Variants in LRRC4C observed in about 807,000 individuals in gnomAD.
LRRC4C encodes leucine rich repeat containing 4C.
LRRC4C carries 5 observed loss-of-function variants against 33.6 expected under a neutral mutation model. The ratio of observed to expected loss-of-function variants is 0.15; its 90% CI spans 0.08 to 0.31. The LOEUF (loss-of-function observed/expected upper bound fraction) is 0.31. LRRC4C is among the 10% of genes least tolerant of loss of function. LRRC4C has a pLI of 1.00. For missense variants in LRRC4C, 560 were observed against 796.7 expected (o/e 0.70, Z 3.58); for synonymous variants, 329 against 302.0 (o/e 1.09, Z -0.93).
intron 1 of LRRC4C, among the ~76,000 whole-genome samples, chr11:41,295,574 AGTTTATAC>A (rs1244829819): frequency 1.3e-5 from 2 of 151,186 alleles, no homozygotes; most frequent in African/African-American, 4.9e-5. Flanking sequence ...ACTCTTTTTG[AGTTTATAC>A]GTTCAGGGCA....
At chr11:40,191,208 T>C (rs1452447741) in intron 5 of LRRC4C, among the ~76,000 whole-genome samples, 1 of 152,170 alleles carries the variant, frequency 6.6e-6, no homozygotes, top group Non-Finnish European at 1.5e-5. Flanking sequence ...GGCCAGCTGC[T>C]TGACCACCTC....
At chr11:40,844,786 A>G (rs1160603994) in intron 2 of LRRC4C, among the ~76,000 whole-genome samples, 2 of 152,202 alleles carry the variant, frequency 1.3e-5, no homozygotes, top group African/African-American at 4.8e-5. Context: ...TTTTACAACA[A>G]TGAAAGAAAC....
intron 3 of LRRC4C, among the ~76,000 whole-genome samples, chr11:40,419,372 A>G (rs182659284): frequency 1.6e-4 from 25 of 152,314 alleles, no homozygotes; most frequent in Non-Finnish European, 5.9e-5. Context: ...AAATTGTTGA[A>G]ATCTAAATAT....
intron 2 of LRRC4C, among the ~76,000 whole-genome samples, chr11:40,826,559 C>G (rs1952177807): frequency 6.6e-6 from 1 of 151,816 alleles, no homozygotes; most frequent in Admixed American, 6.6e-5. Flanking sequence ...TTGAAACCAC[C>G]TAAAAGTCAT....
chr11:40,510,642 T>G (rs1955267187), intron 3 of LRRC4C, among the ~76,000 whole-genome samples: 1 of 152,188 alleles, frequency 6.6e-6, no homozygotes, highest in African/African-American at 2.4e-5. Context: ...CAAAATCATT[T>G]TATATGTGAT....
intron 1 of LRRC4C, among the ~76,000 whole-genome samples, chr11:41,425,595 C>A (rs1420286233): frequency 6.6e-6 from 1 of 152,108 alleles, no homozygotes; most frequent in Admixed American, 6.5e-5. Flanking sequence ...ACAGCTCTTA[C>A]TGAACAGTGT....
intron 1 of LRRC4C, among the ~76,000 whole-genome samples, chr11:41,240,502 T>C (rs1948205945): frequency 6.6e-6 from 1 of 152,182 alleles, no homozygotes; most frequent in Admixed American, 6.5e-5. Flanking sequence ...CTTAATTATA[T>C]AATGGGATAC....
At chr11:40,895,958 G>A (rs1955920180) in intron 2 of LRRC4C, among the ~76,000 whole-genome samples, 1 of 152,064 alleles carries the variant, frequency 6.6e-6, no homozygotes, top group Non-Finnish European at 1.5e-5. Context: ...TGACTAAAAT[G>A]AAGAAAGGCA....
At chr11:40,619,538 A>T (rs1962224744) in intron 3 of LRRC4C, among the ~76,000 whole-genome samples, 1 of 151,754 alleles carries the variant, frequency 6.6e-6, no homozygotes, top group Admixed American at 6.6e-5. Flanking sequence ...CCATCCCTAG[A>T]ACACTAGGAA....
intron 1 of LRRC4C, among the ~76,000 whole-genome samples, chr11:41,100,430 G>A (rs1046786866): frequency 6.6e-6 from 1 of 152,186 alleles, no homozygotes; most frequent in South Asian, 2.1e-4. Context: ...AGCTGGGAGT[G>A]GTGGCAGGTG....
At chr11:40,415,099 T>G (rs1486792197) in intron 3 of LRRC4C, among the ~76,000 whole-genome samples, 1 of 152,046 alleles carries the variant, frequency 6.6e-6, no homozygotes, top group Admixed American at 6.6e-5. Context: ...TGAGGAGAGG[T>G]GAATGAGAAG....
chr11:41,085,397 G>A (rs1457977675), intron 1 of LRRC4C, among the ~76,000 whole-genome samples: 2 of 152,128 alleles, frequency 1.3e-5, no homozygotes, highest in African/African-American at 4.8e-5. Flanking sequence ...TCTTAAAGTT[G>A]TAGCAGTAAG....
chr11:41,395,867 T>C (rs1953788729), intron 1 of LRRC4C, among the ~76,000 whole-genome samples: 1 of 151,990 alleles, frequency 6.6e-6, no homozygotes, highest in Admixed American at 6.6e-5. Context: ...GTACTGCACT[T>C]TTTGTGAATC....
At chr11:40,871,175 G>A (rs551117370) in intron 2 of LRRC4C, among the ~76,000 whole-genome samples, 7 of 152,146 alleles carry the variant, frequency 4.6e-5, no homozygotes, top group South Asian at 2.1e-4. Flanking sequence ...ATGAAAATGC[G>A]TGCCAGAAAC....
chr11:40,513,562 G>A (rs559022771), intron 3 of LRRC4C, among the ~76,000 whole-genome samples: 9 of 152,252 alleles, frequency 5.9e-5, no homozygotes, highest in Non-Finnish European at 1.3e-4. Context: ...CTTCCTCTTA[G>A]AGCAATGGGA....
At chr11:40,628,009 A>G (rs1963116093) in intron 3 of LRRC4C, among the ~76,000 whole-genome samples, 1 of 152,228 alleles carries the variant, frequency 6.6e-6, no homozygotes. Context: ...TTGAGCATCA[A>G]GTCTCCTAAG....
At chr11:40,169,719 A>C (rs980032603) in intron 5 of LRRC4C, among the ~76,000 whole-genome samples, 1 of 152,114 alleles carries the variant, frequency 6.6e-6, no homozygotes, top group Admixed American at 6.5e-5. Flanking sequence ...TCTAGATCTT[A>C]CTCCATAACC....
chr11:41,452,256 A>T (rs746287756), intron 1 of LRRC4C, among the ~76,000 whole-genome samples: 49 of 152,114 alleles, frequency 3.2e-4, no homozygotes, highest in Non-Finnish European at 6.6e-4. Flanking sequence ...TACCTAAAGC[A>T]TGAATGTATA....
intron 1 of LRRC4C, among the ~76,000 whole-genome samples, chr11:41,270,213 A>C (rs1166618758): frequency 1.3e-5 from 2 of 152,012 alleles, no homozygotes; most frequent in African/African-American, 4.8e-5. Flanking sequence ...CTATCCAAAA[A>C]TTTCCTTCAT....
Sources: allele counts gnomAD v4.1 joint callset (sites outside exome capture counted in the v4.1 genomes callset), GRCh38; gene constraint gnomAD v4.1.1; transcripts MANE v1.5; gene names NCBI Gene and HGNC (gene_info 2026-07-23, HGNC 2026-07-21).